Variants in ZRSR2 observed in about 807,000 individuals in gnomAD.
ZRSR2 encodes the protein U2 small nuclear ribonucleoprotein auxiliary factor 35 kDa subunit-related protein 2.
ZRSR2 carries 3 observed loss-of-function variants against 39.4 expected under a neutral mutation model. The ratio of observed to expected loss-of-function variants is 0.08; its 90% CI spans 0.03 to 0.20. The LOEUF (loss-of-function observed/expected upper bound fraction) is 0.20, where lower values mean the gene tolerates loss of function less well. Ranked by LOEUF, ZRSR2 falls within the 10% of genes least tolerant of loss-of-function variation. The probability of loss-of-function intolerance (pLI) is 1.00; values close to 1 mark genes in which losing one functional copy is unlikely to be tolerated. For synonymous variants in ZRSR2, 137 were observed against 136.0 expected (o/e 1.01, Z -0.05); for missense variants, 256 against 391.5 (o/e 0.65, Z 2.92).
chrX:15,812,638 C>A (rs1932904399), intron 7 of ZRSR2, among the ~76,000 whole-genome samples: 1 of 111,855 alleles, frequency 8.9e-6, no homozygotes, highest in Non-Finnish European at 1.9e-5. Flanking sequence ...GTAATAATTA[C>A]TAATGGAAGG....
intron 2 of ZRSR2, among the ~76,000 whole-genome samples, chrX:15,798,388 G>GA (rs1254983310): frequency 1.2e-3 from 133 of 111,654 alleles, no homozygotes; most frequent in Non-Finnish European, 2.1e-3. Context: ...ACAGAAAGTT[G>GA]AAAAAAAGAG....
At position 15,823,097 on chromosome X, in the gene ZRSR2, G is replaced by T; in HGVS notation, c.1304G>T (p.Arg435Leu). ...AGGGACCGCAGCAGGGACCGCAGCC[G>T]GGGCCGGGGCAGCCGGAGCCGGAGC... Reference protein sequence around the residue: ...RNRDRSRDRSRGRGSRSRSRS... With the variant: ...RNRDRSRDRSLGRGSRSRSRS... The change falls in exon 11 of 11, where the codon CGG becomes CTG. Residue 435 changes from arginine to leucine, a missense_variant. Arg to Leu is a moderately radical substitution (Grantham distance 102). Coordinates refer to ENST00000307771, the MANE Select transcript of ZRSR2 (RefSeq NM_005089.4). 8.3e-7 allele frequency: 1 copy of T among 1,207,354 alleles called. No homozygotes were observed. Among genetic ancestry groups the T allele is most frequent in the East Asian group, 3.0e-5 (1 of 33,752 alleles).
rs1415915282 is a variant in ZRSR2, at chrX:15,790,917, A to T, written c.42-17A>T. Reference sequence around the variant, plus strand: ...ATTGTAGCCGCTGATCGTCGTGTATATGTCTTAATCTTCCAGCCACAAAAA... The same window carrying T: ...ATTGTAGCCGCTGATCGTCGTGTATTTGTCTTAATCTTCCAGCCACAAAAA... On this transcript the variant is annotated splice_polypyrimidine_tract_variant and intron_variant, in intron 1 of 10. Coordinates refer to ENST00000307771, the MANE Select transcript of ZRSR2 (RefSeq NM_005089.4). 1.7e-6 allele frequency: 2 copies of T among 1,201,611 alleles called. No homozygotes were observed. Among genetic ancestry groups the T allele is most frequent in the Non-Finnish European group, 2.3e-6 (2 of 887,854 alleles).
chrX:15,793,630 C>G (rs892350871), intron 2 of ZRSR2, among the ~76,000 whole-genome samples: 9 of 111,827 alleles, frequency 8.0e-5, no homozygotes, highest in African/African-American at 2.0e-4. Context: ...CCTCTGCCTC[C>G]CAGGTTCAAG....
At chrX:15,808,941 T>C (rs1932840165) in intron 6 of ZRSR2, among the ~76,000 whole-genome samples, 1 of 111,239 alleles carries the variant, frequency 9.0e-6, no homozygotes, top group Non-Finnish European at 1.9e-5. Context: ...CTTTTTAGAA[T>C]GGATGGAAAC....
chrX:15,791,648 CTTTTCTT>C (rs1213826516), intron 2 of ZRSR2, among the ~76,000 whole-genome samples: 1 of 81,569 alleles, frequency 1.2e-5, no homozygotes, highest in Non-Finnish European at 2.2e-5. Context: ...TTTTTCTTTT[CTTTTCTT>C]TTTTTTTTTT....
chrX:15,808,335 C>A (rs1601818445), intron 6 of ZRSR2, 64 bp downstream of exon 6: 1 of 1,019,502 alleles, frequency 9.8e-7, no homozygotes, highest in East Asian at 3.1e-5. Context: ...AATAATAGTT[C>A]CAGTAATGTT....
intron 10 of ZRSR2, among the ~76,000 whole-genome samples, chrX:15,821,887 A>G (rs1933115715): frequency 9.0e-6 from 1 of 111,668 alleles, no homozygotes; most frequent in African/African-American, 3.3e-5. Context: ...TTTATCTGTG[A>G]TAAGAATCTT....
At chrX:15,821,926 A>G (rs1222373121) in intron 10 of ZRSR2, among the ~76,000 whole-genome samples, 3 of 111,235 alleles carry the variant, frequency 2.7e-5, no homozygotes, top group Non-Finnish European at 5.6e-5. Context: ...GTGAATTTGA[A>G]GCATTAGTGT....
At chrX:15,797,671 A>G (rs928668452) in intron 2 of ZRSR2, among the ~76,000 whole-genome samples, 15 of 110,586 alleles carry the variant, frequency 1.4e-4, no homozygotes, top group Admixed American at 1.9e-4. Flanking sequence ...AATTGTTGCA[A>G]ATATCCCCTA....
chrX:15,810,256 G>A (rs775508821), intron 7 of ZRSR2, among the ~76,000 whole-genome samples: 5 of 110,182 alleles, frequency 4.5e-5, no homozygotes, highest in Non-Finnish European at 7.6e-5. Flanking sequence ...GCAAGTCTTC[G>A]AACACCTATT....
chrX:15,794,531 G>A (rs978062564), intron 2 of ZRSR2, among the ~76,000 whole-genome samples: 10 of 111,626 alleles, frequency 9.0e-5, no homozygotes, highest in Admixed American at 8.6e-4. Context: ...AGAAAATCCC[G>A]AGGAGGAGAA....
chrX:15,809,823 A>C (rs1356103051), intron 7 of ZRSR2, among the ~76,000 whole-genome samples: 1 of 112,011 alleles, frequency 8.9e-6, no homozygotes, highest in East Asian at 2.8e-4. Flanking sequence ...AAAGAAAAAA[A>C]AAAACAAAAC....
Position 15,823,117 on chromosome X carries a change from C to CGGAGCT in ZRSR2, c.1329_1330insTGGAGC (p.Ser443_Arg444insTrpSer). Reference sequence around the variant, plus strand: ...CAGCCGGGGCCGGGGCAGCCGGAGCCGGAGCCGGAGCCGGAGCCGCAGGAG... The same window carrying CGGAGCT: ...CAGCCGGGGCCGGGGCAGCCGGAGCCGGAGCTGGAGCCGGAGCCGGAGCCGCAGGAG... On this transcript the variant is annotated inframe_insertion, in exon 11 of 11. Coordinates refer to ENST00000307771, the MANE Select transcript of ZRSR2 (RefSeq NM_005089.4). 1 of 1,202,654 alleles carries CGGAGCT rather than the reference C, an allele frequency of 8.3e-7. No individual in the cohort carries two copies. Among genetic ancestry groups the CGGAGCT allele is most frequent in the South Asian group, 1.8e-5 (1 of 56,329 alleles).
intron 8 of ZRSR2, among the ~76,000 whole-genome samples, chrX:15,817,100 C>T (rs370284960): frequency 2.4e-4 from 27 of 111,722 alleles, no homozygotes; most frequent in African/African-American, 7.8e-4. Context: ...TGGTTTTCCT[C>T]GTAGGGTTTC....
intron 6 of ZRSR2, among the ~76,000 whole-genome samples, chrX:15,808,916 C>T (rs763208044): frequency 3.6e-5 from 4 of 111,063 alleles, no homozygotes; most frequent in South Asian, 3.8e-4. Context: ...CCACTGCACC[C>T]GGCCTTCTTG....
Position 15,822,977 on chromosome X carries a change from C to T in ZRSR2, c.1184C>T (p.Ser395Phe). The T allele has an allele frequency of 3.3e-6, 4 of 1,212,108 alleles. No homozygotes were observed. The highest frequency in any genetic ancestry group is 4.5e-6 in the Non-Finnish European group (4 of 895,612). The part of the protein sequence containing the change: ...PDHSYKRNGE[S>F]ERKSSRHRGK... ...CACTCCTACAAAAGAAATGGGGAAT[C>T]CGAGAGGAAAAGTAGTCGTCACAGG... is the stretch of plus-strand genomic sequence containing the variant. Residue 395 changes from serine (S) to phenylalanine (F), a missense_variant, in exon 11 of 11, where the codon TCC (serine) becomes TTC (phenylalanine). Transcript: ENST00000307771.
At chrX:15,819,423 A>G (rs1347421716) in intron 9 of ZRSR2, among the ~76,000 whole-genome samples, 1 of 110,093 alleles carries the variant, frequency 9.1e-6, no homozygotes, top group Non-Finnish European at 1.9e-5. Flanking sequence ...AAAAAAATTT[A>G]AAAATTGGCC....
rs191429301 is a variant in ZRSR2, at chrX:15,806,770, C to T, written c.400-1463C>T. ...GAAACCTCTGCCTCCCGGGTTCAAG[C>T]GATTCTTCTGCCTCAGCCTCCTGAG... On this transcript the variant is annotated intron_variant, in intron 5 of 10. Coordinates refer to ENST00000307771, the MANE Select transcript of ZRSR2 (RefSeq NM_005089.4). Among the ~76,000 whole-genome samples the T allele has an allele frequency of 4.1e-4, 46 of 110,989 alleles. 1 individual carries two copies. The highest frequency in any genetic ancestry group is 3.7e-3 in the Admixed American group (38 of 10,371).
Sources: allele counts gnomAD v4.1 joint callset (sites outside exome capture counted in the v4.1 genomes callset), GRCh38; gene constraint gnomAD v4.1.1; transcripts MANE v1.5; gene names NCBI Gene and HGNC (gene_info 2026-07-23, HGNC 2026-07-21).